The following OSBPL11 variants were observed in gnomAD, a reference collection of about 807,000 sequenced individuals.
The protein encoded by OSBPL11 is oxysterol binding protein like 11, also known as oxysterol-binding protein-related protein 11.
OSBPL11 carries 33 observed loss-of-function variants against 84.4 expected under a neutral mutation model. The ratio of observed to expected loss-of-function variants is 0.39; its 90% CI spans 0.30 to 0.52. OSBPL11 has a LOEUF of 0.52. Ranked by LOEUF, OSBPL11 falls within the 20% of genes least tolerant of loss-of-function variation. OSBPL11 has a pLI of 0.72. For synonymous variants in OSBPL11, 276 were observed against 310.2 expected (o/e 0.89, Z 1.16); for missense variants, 736 against 901.1 (o/e 0.82, Z 2.35).
At chr3:125,592,616 C>T (rs1195294001) in intron 1 of OSBPL11, among the ~76,000 whole-genome samples, 6 of 152,084 alleles carry the variant, frequency 3.9e-5, no homozygotes, top group East Asian at 3.9e-4. Context: ...AGAAGGAAAC[C>T]GAGTGGCTGG....
chr3:125,589,813 T>C (rs1281737924), intron 1 of OSBPL11, among the ~76,000 whole-genome samples: 2 of 152,206 alleles, frequency 1.3e-5, no homozygotes, highest in African/African-American at 2.4e-5. Flanking sequence ...ACCACAAAAA[T>C]TATTTCTATA....
intron 1 of OSBPL11, among the ~76,000 whole-genome samples, chr3:125,583,193 C>T (rs1936453802): frequency 6.6e-6 from 1 of 151,894 alleles, no homozygotes; most frequent in Admixed American, 6.6e-5. Flanking sequence ...AGTACAATAC[C>T]TCATAAATTA....
At chr3:125,544,801 G>C (rs187113099) in intron 10 of OSBPL11, among the ~76,000 whole-genome samples, 19 of 152,230 alleles carry the variant, frequency 1.2e-4, no homozygotes, top group East Asian at 3.9e-4. Flanking sequence ...AAGGTTTCTT[G>C]ACCAAATCTA....
intron 9 of OSBPL11, among the ~76,000 whole-genome samples, chr3:125,550,469 A>G (rs1181441926): frequency 1.3e-5 from 2 of 152,146 alleles, no homozygotes; most frequent in African/African-American, 4.8e-5. Context: ...TTAACTTGAA[A>G]TATTATTTGG....
intron 8 of OSBPL11, among the ~76,000 whole-genome samples, chr3:125,559,818 G>C (rs1936048908): frequency 1.3e-5 from 2 of 152,094 alleles, no homozygotes; most frequent in South Asian, 4.1e-4. Flanking sequence ...CTCCCGAGGA[G>C]AGTGGATCAT....
At chr3:125,575,555 G>T (rs1196233816) in intron 5 of OSBPL11, among the ~76,000 whole-genome samples, 2 of 151,048 alleles carry the variant, frequency 1.3e-5, no homozygotes, top group African/African-American at 2.4e-5. Flanking sequence ...TTTGAGACAG[G>T]GTTTCACTCT....
chr3:125,547,744 T>C (rs1935841058), intron 9 of OSBPL11, 152 bp from the exon 10 acceptor site: 1 of 602,848 alleles, frequency 1.7e-6, no homozygotes, highest in Admixed American at 3.4e-5. Context: ...CATTTATAAC[T>C]ATATCTGACA....
intron 5 of OSBPL11, among the ~76,000 whole-genome samples, chr3:125,573,043 C>A (rs1936266852): frequency 6.7e-6 from 1 of 149,028 alleles, no homozygotes; most frequent in African/African-American, 2.5e-5. Flanking sequence ...ATATAACTTG[C>A]AGTCTGCTTT....
chr3:125,540,222 A>G (rs1323861063), intron 10 of OSBPL11, among the ~76,000 whole-genome samples: 6 of 150,204 alleles, frequency 4.0e-5, no homozygotes, highest in Admixed American at 4.0e-4. Context: ...TCAGCTACTC[A>G]GGAGGTTGAG....
At chr3:125,571,298 A>G (rs1198511263) in intron 5 of OSBPL11, among the ~76,000 whole-genome samples, 2 of 152,234 alleles carry the variant, frequency 1.3e-5, no homozygotes, top group African/African-American at 4.8e-5. Flanking sequence ...AAAGGCATTC[A>G]TTTTTATAAG....
chr3:125,555,971 C>T (rs1305461743), intron 8 of OSBPL11, among the ~76,000 whole-genome samples: 1 of 152,210 alleles, frequency 6.6e-6, no homozygotes, highest in Non-Finnish European at 1.5e-5. Flanking sequence ...GCGTGAGCCA[C>T]TGCACCTGGC....
intron 11 of OSBPL11, among the ~76,000 whole-genome samples, chr3:125,536,928 G>A (rs1258962237): frequency 6.6e-6 from 1 of 152,038 alleles, no homozygotes; most frequent in Non-Finnish European, 1.5e-5. Flanking sequence ...GGAGGCTGAG[G>A]TGGCAGGATC....
intron 1 of OSBPL11, among the ~76,000 whole-genome samples, chr3:125,585,561 G>A (rs1936495093): frequency 6.6e-6 from 1 of 150,506 alleles, no homozygotes; most frequent in Non-Finnish European, 1.5e-5. Context: ...AAAACTATAA[G>A]GATATTGACA....
intron 4 of OSBPL11, among the ~76,000 whole-genome samples, 189 bp downstream of exon 4, chr3:125,578,770 CA>C (rs35597933): frequency 0.079 from 10,308 of 130,732 alleles, 460 homozygotes; most frequent in Non-Finnish European, 0.11. Context: ...GACTCCGTCT[CA>C]AAAAAAAAAA....
At chr3:125,551,372 A>G (rs1247604184) in intron 9 of OSBPL11, among the ~76,000 whole-genome samples, 4 of 151,572 alleles carry the variant, frequency 2.6e-5, no homozygotes, top group Non-Finnish European at 4.4e-5. Context: ...ACACACACAG[A>G]AAAAGTATAA....
intron 3 of OSBPL11, among the ~76,000 whole-genome samples, 185 bp from the exon 4 acceptor site, chr3:125,579,224 C>G (rs1214103475): frequency 6.6e-6 from 1 of 152,278 alleles, no homozygotes; most frequent in East Asian, 1.9e-4. Context: ...AACACAGTAG[C>G]TGGATGTAGT....
chr3:125,579,030 G>T lies in OSBPL11; in HGVS notation c.419C>A (p.Ala140Glu). The T allele has an allele frequency of 6.3e-7, 1 of 1,586,016 alleles. No individual in the cohort carries two copies. The highest frequency in any genetic ancestry group is 8.6e-7 in the Non-Finnish European group (1 of 1,164,474). Residue 140 changes from alanine (A) to glutamate (E), a missense_variant, in exon 4 of 13, where the codon GCA becomes GAA. Physicochemically the swap from Ala to Glu is moderately radical, Grantham distance 107. This residue lies in a region of OSBPL11 where 43 missense variants were observed against 78.7 expected (regional missense o/e 0.55). Transcript: ENST00000296220. ...GCTAACCCAGTGCTGTCGCTCTTTTGCATCTGTAGCTGTTAAAAGAATGTA... is the reference window on the plus strand; with the variant it reads ...GCTAACCCAGTGCTGTCGCTCTTTTTCATCTGTAGCTGTTAAAAGAATGTA... ...GEQYKLRATD[A>E]KERQHWVSRL...
chr3:125,588,074 T>C (rs1936542619), intron 1 of OSBPL11, among the ~76,000 whole-genome samples: 1 of 151,794 alleles, frequency 6.6e-6, no homozygotes, highest in Admixed American at 6.6e-5. Flanking sequence ...ATACAAAAAT[T>C]AGCTGGGCGT....
At position 125,573,872 on chromosome 3, in the gene OSBPL11, C is replaced by CAAAA. The variant is rs35902125; in HGVS notation, c.666+2313_666+2316dup. On this transcript the variant is annotated intron_variant, in intron 5 of 12. Transcript: ENST00000296220. ...GGGCAACAAGAGCAAAACTCCGTCT[C>CAAAA]AAAAAAAAAAAAAAAAAAAAAAAAG... is the stretch of plus-strand genomic sequence containing the variant. Among the ~76,000 whole-genome samples, 238 of 43,446 alleles carry CAAAA rather than the reference C, an allele frequency of 5.5e-3. 7 individuals are homozygous for CAAAA. The highest frequency in any genetic ancestry group is 0.026 in the East Asian group (29 of 1,096). The allele number at this position is 43,446 out of a possible 152,430, so 28.5% of individuals were successfully genotyped here. A position where few individuals can be genotyped will look rare whatever the true frequency, so the allele number is the denominator to read the frequency against.
Sources: allele counts gnomAD v4.1 joint callset (sites outside exome capture counted in the v4.1 genomes callset), GRCh38; gene constraint gnomAD v4.1.1; regional missense constraint gnomAD v4.1.1; transcripts MANE v1.5; gene names NCBI Gene and HGNC (gene_info 2026-07-23, HGNC 2026-07-21).